Variants in KNDC1 observed in about 807,000 individuals in gnomAD.
KNDC1 encodes kinase non-catalytic C-lobe domain containing 1.
KNDC1 carries 106 observed loss-of-function variants against 172.8 expected under a neutral mutation model. The ratio of observed to expected loss-of-function variants is 0.61; its 90% CI spans 0.52 to 0.72. The LOEUF is 0.72. KNDC1 is among the 30% of genes least tolerant of loss of function. KNDC1 has a pLI of 0.00. For synonymous variants in KNDC1, 1,083 were observed against 1,062.2 expected (o/e 1.02, Z -0.38); for missense variants, 2,325 against 2,394.5 (o/e 0.97, Z 0.61).
intron 20 of KNDC1, among the ~76,000 whole-genome samples, chr10:133,207,703 A>C (rs1845243461): frequency 6.6e-6 from 1 of 152,228 alleles, no homozygotes; most frequent in Non-Finnish European, 1.5e-5. Flanking sequence ...CAACTCACCG[A>C]GTCAGAACAC....
In KNDC1 at chr10:133,177,759, CAT is replaced by C. The variant is rs375652148; in HGVS notation, c.361-5584_361-5583del. Among the ~76,000 whole-genome samples the C allele has an allele frequency of 3.5e-4, 53 of 151,468 alleles. No homozygotes were observed. The East Asian group carries it at 9.2e-3, about 26-fold the overall frequency. On this transcript the variant is annotated intron_variant, in intron 3 of 29. Coordinates refer to ENST00000304613, the MANE Select transcript of KNDC1 (RefSeq NM_152643.8). ...ACATGAGTGTTGCATGGTGTGCATACATGTGTGTGGTATGGTGTGTGTAGCAT... is the reference window on the plus strand; with the variant it reads ...ACATGAGTGTTGCATGGTGTGCATACGTGTGTGGTATGGTGTGTGTAGCAT...
chr10:133,171,153 A>G (rs985730068), intron 3 of KNDC1, among the ~76,000 whole-genome samples: 14 of 152,226 alleles, frequency 9.2e-5, no homozygotes, highest in Admixed American at 2.6e-4. Flanking sequence ...CATTTGATCC[A>G]CCTGAAGTTA....
chr10:133,211,614 A>C, intron 22 of KNDC1, 45 bp downstream of exon 22: 1 of 1,601,762 alleles, frequency 6.2e-7, no homozygotes, highest in Non-Finnish European at 8.5e-7. Context: ...GGGCTCCCAC[A>C]GTGGGAGGTG....
intron 17 of KNDC1, among the ~76,000 whole-genome samples, chr10:133,206,139 G>T (rs1445564916): frequency 6.6e-6 from 1 of 152,252 alleles, no homozygotes; most frequent in Non-Finnish European, 1.5e-5. Flanking sequence ...GGCAGAGGTT[G>T]TGGTGAGCTG....
rs757042711 is a variant in KNDC1, at chr10:133,199,023, C to T, written c.2515C>T (p.Arg839Cys). ...PKPPRSKATE[R>C]PGQEPEGPGA... ...GCCCCCACGAAGCAAGGCCACCGAG[C>T]GCCCGGGCCAGGAGCCAGAGGGCCC... The change falls in exon 14 of 30, where the codon CGC becomes TGC. Residue 839 changes from arginine to cysteine, a missense_variant. Transcript: ENST00000304613. 1.5e-5 allele frequency: 24 copies of T among 1,570,650 alleles called. No individual in the cohort carries two copies. Among genetic ancestry groups the T allele is most frequent in the East Asian group, 9.5e-5 (4 of 42,102 alleles).
At chr10:133,184,378 CAT>C (rs912577319) in intron 5 of KNDC1, among the ~76,000 whole-genome samples, 9 of 150,698 alleles carry the variant, frequency 6.0e-5, no homozygotes, top group Middle Eastern at 3.4e-3. Context: ...TGCACACACA[CAT>C]GCTGCGCACA....
At chr10:133,166,708 G>A (rs1275851900) in intron 1 of KNDC1, among the ~76,000 whole-genome samples, 1 of 151,964 alleles carries the variant, frequency 6.6e-6, no homozygotes, top group African/African-American at 2.4e-5. Context: ...CTGTGTGAGG[G>A]TGAGCACGTG....
Position 133,184,827 on chromosome 10 carries a change from G to A in KNDC1, c.625+838G>A, listed in dbSNP as rs138377838. Among the ~76,000 whole-genome samples, 315 of 152,402 alleles carry A rather than the reference G, an allele frequency of 2.1e-3. 3 individuals carry two copies. The highest frequency in any genetic ancestry group is 7.2e-3 in the African/African-American group (298 of 41,606). ...TGGCATTGGTGCCAGGCATCTGGGT[G>A]TTAGTCTCATGGGCATTTCAATAAA... On this transcript the variant is annotated intron_variant, in intron 5 of 29. Coordinates refer to ENST00000304613, the MANE Select transcript of KNDC1 (RefSeq NM_152643.8).
intron 1 of KNDC1, chr10:133,164,350 G>C (rs577215427): frequency 2.0e-5 from 3 of 152,502 alleles, no homozygotes; most frequent in East Asian, 3.9e-4. Flanking sequence ...GGCAGACGGA[G>C]TCACTGAAAG....
At chr10:133,191,766 C>T (rs779080958) in intron 9 of KNDC1, among the ~76,000 whole-genome samples, 4 of 152,214 alleles carry the variant, frequency 2.6e-5, no homozygotes, top group Non-Finnish European at 4.4e-5. Context: ...CAGGGAGGAC[C>T]AGGATGCATT....
intron 3 of KNDC1, among the ~76,000 whole-genome samples, chr10:133,172,690 A>G (rs1357470518): frequency 6.6e-6 from 1 of 152,202 alleles, no homozygotes; most frequent in South Asian, 2.1e-4. Flanking sequence ...ACTACTGCTC[A>G]GTTTTTAATA....
In KNDC1 at chr10:133,209,038, G is replaced by A. The variant is rs900915942; in HGVS notation, c.3795-1573G>A. On this transcript the variant is annotated intron_variant, in intron 20 of 29. Coordinates refer to ENST00000304613, the MANE Select transcript of KNDC1 (RefSeq NM_152643.8). This position sits in a 1 kb window ranked among gnomAD's most constrained non-coding sequence, Gnocchi z 4.9. ...CGTGTGGTGTAGTAGGTACGTGTGC[G>A]GTTGTGAGGTATAGTGTGATGTGTG... 1.3e-5 allele frequency among the ~76,000 whole-genome samples: 2 copies of A among 150,912 alleles called. No homozygotes were observed. The highest frequency in any genetic ancestry group is 6.6e-5 in the Admixed American group (1 of 15,152).
chr10:133,160,579 C>A lies in KNDC1; in HGVS notation c.102+10C>A. Reference sequence around the variant, plus strand: ...CCTCCCCGAGGACGAGGTGAGCCCCCGGCCCCACTGGGGGGCCCCTTCCGC... The same window carrying A: ...CCTCCCCGAGGACGAGGTGAGCCCCAGGCCCCACTGGGGGGCCCCTTCCGC... On this transcript the variant is annotated intron_variant, in intron 1 of 29. Transcript: ENST00000304613. 1 of 1,551,360 alleles carries A rather than the reference C, an allele frequency of 6.4e-7. No individual in the cohort carries two copies. Among genetic ancestry groups the A allele is most frequent in the East Asian group, 2.4e-5 (1 of 41,550 alleles).
intron 28 of KNDC1, among the ~76,000 whole-genome samples, chr10:133,219,368 C>T (rs1407828716): frequency 1.3e-5 from 2 of 152,238 alleles, no homozygotes; most frequent in Non-Finnish European, 2.9e-5. Context: ...AGGTCTGTGG[C>T]TGGGGCCTGA....
intron 26 of KNDC1, 79 bp downstream of exon 26, chr10:133,214,201 C>A: frequency 2.0e-6 from 3 of 1,506,380 alleles, no homozygotes; most frequent in Non-Finnish European, 2.7e-6. Context: ...CCTATAAGGC[C>A]GTGGCCTGAA....
intron 1 of KNDC1, among the ~76,000 whole-genome samples, chr10:133,162,057 G>A (rs1852993355): frequency 6.6e-6 from 1 of 152,220 alleles, no homozygotes; most frequent in Non-Finnish European, 1.5e-5. Context: ...TGGGGTGGGT[G>A]GCTCCATCCT....
Position 133,200,256 on chromosome 10 carries a change from C to G in KNDC1, c.2904-119C>G, listed in dbSNP as rs539290744. The G allele has an allele frequency of 1.5e-4, 104 of 679,448 alleles. No homozygotes were observed. The African/African-American group carries it at 1.9e-3, about 12-fold the overall frequency. The allele number at this position is 679,448 out of a possible 1,614,324, so 42.1% of individuals were successfully genotyped here. ...CCTTAGTGACTGAGAGGGGTGAGCT[C>G]CTGCCGCCTCCAGCGAGAGCTCCGC... On this transcript the variant is annotated intron_variant, in intron 15 of 29. Coordinates refer to ENST00000304613, the MANE Select transcript of KNDC1 (RefSeq NM_152643.8).
chr10:133,183,000 GCGGCAA>G (rs1853768488), intron 3 of KNDC1, among the ~76,000 whole-genome samples: 4 of 151,278 alleles, frequency 2.6e-5, no homozygotes, highest in Non-Finnish European at 5.9e-5. Context: ...GTGGGCACAG[GCGGCAA>G]GGGCATGGGT....
At chr10:133,196,998 G>A (rs1246586038) in intron 10 of KNDC1, 60 bp from the exon 11 acceptor site, 10 of 1,365,408 alleles carry the variant, frequency 7.3e-6, no homozygotes, top group South Asian at 3.5e-5. Flanking sequence ...CCAGTGACAC[G>A]GGGACGGTGC....
Sources: allele counts gnomAD v4.1 joint callset (sites outside exome capture counted in the v4.1 genomes callset), GRCh38; gene constraint gnomAD v4.1.1; non-coding constraint Gnocchi (gnomAD v3.1); transcripts MANE v1.5; gene names NCBI Gene and HGNC (gene_info 2026-07-23, HGNC 2026-07-21).